WDR3: variants seen among roughly 807,000 people sequenced by gnomAD.
The protein encoded by WDR3 is WD repeat domain 3, also known as WD repeat-containing protein 3.
Under a neutral mutation model 123.7 loss-of-function variants are expected in WDR3, and 81 were observed. The ratio of observed to expected loss-of-function variants is 0.65; its 90% CI spans 0.55 to 0.79. The LOEUF (loss-of-function observed/expected upper bound fraction) is 0.79. WDR3 is among the 30% of genes least tolerant of loss of function. The pLI, the probability that WDR3 is intolerant of heterozygous loss-of-function variation, is 0.00. For synonymous variants in WDR3, 390 were observed against 388.8 expected, an observed-to-expected ratio of 1.00 and a Z score of -0.04; for missense variants, 1,027 against 1,123.2, an observed-to-expected ratio of 0.91 and a Z score of 1.22.
Position 117,955,345 on chromosome 1 carries a change from G to C in WDR3, c.2440G>C (p.Gly814Arg). The change falls in exon 24 of 27, where the codon GGG becomes CGG. Residue 814 changes from glycine to arginine, a missense_variant. By Grantham distance (125) the Gly-to-Arg change is moderately radical. Transcript: ENST00000349139. ...AGCTTATGTATTAGAGATTTTTAAA[G>C]GGATCAAGTCGAGGTGAGTGAGTCC... ...PSAYVLEIFKGIKSSELEESL... is the reference protein window; with the variant it reads ...PSAYVLEIFKRIKSSELEESL... 6.2e-7 allele frequency: 1 copy of C among 1,612,242 alleles called. No homozygotes were observed. Among genetic ancestry groups the C allele is most frequent in the South Asian group, 1.1e-5 (1 of 90,886 alleles).
In WDR3 at chr1:117,962,365, A is replaced by G. The variant is rs1653214356; in HGVS notation, c.*2918A>G. The G allele has an allele frequency of 4.6e-5, 7 of 152,100 alleles. 1 individual carries two copies. In the South Asian group the frequency reaches 1.4e-3, roughly 31 times the overall value. 9.4% of individuals were successfully genotyped at this position (152,100 alleles called of 1,614,324 possible). ...TAAGTCAGTATTCATTGCCTTAGTC[A>G]GCCATTGGCTGTATATAATCCTTAA... On this transcript the variant is annotated 3_prime_UTR_variant, in exon 27 of 27. Transcript: ENST00000349139.
chr1:117,958,830 G>A (rs1022345532), intron 25 of WDR3, 80 bp from the exon 26 acceptor site: 6 of 679,294 alleles, frequency 8.8e-6, no homozygotes, highest in African/African-American at 6.3e-5. Context: ...CTTTGATATT[G>A]TGTCTGTTTA....
At position 117,957,176 on chromosome 1, in the gene WDR3, G is replaced by C; in HGVS notation, c.2562G>C (p.Arg854=). The C allele has an allele frequency of 6.2e-7, 1 of 1,611,120 alleles. No homozygotes were observed. The highest frequency in any genetic ancestry group is 1.1e-5 in the South Asian group (1 of 90,420). ...GCTCTGATGTTGAACTTATATGCCG[G>C]TGCCTCTTCTTCCTCCTTAGGTAAC... is the stretch of plus-strand genomic sequence containing the variant. ...QLGSDVELIC[R]CLFFLLRIHF... is the part of the protein sequence containing the mutation. Residue 854 remains arginine (R), a synonymous_variant, in exon 25 of 27, where the codon CGG becomes CGC. Transcript: ENST00000349139.
intron 12 of WDR3, 48 bp from the exon 13 acceptor site, chr1:117,948,357 G>C (rs1557821639): frequency 6.6e-7 from 1 of 1,524,824 alleles, no homozygotes; most frequent in Admixed American, 1.7e-5. Flanking sequence ...GAATCATGGA[G>C]GTTGTACGTA....
chr1:117,954,204 G>A lies in WDR3; in HGVS notation c.2361+105G>A, dbSNP rs375672193. The A allele has an allele frequency of 4.3e-6, 4 of 929,148 alleles. No homozygotes were observed. In the East Asian group the frequency reaches 1.0e-4, roughly 23 times the overall value. 57.6% of individuals were successfully genotyped at this position (929,148 alleles called of 1,614,324 possible). A position where few individuals can be genotyped will look rare whatever the true frequency, so the allele number is the denominator to read the frequency against. On this transcript the variant is annotated intron_variant, in intron 22 of 26. Transcript: ENST00000349139. ...ACTAAGATCAGGATATGCAATAAAT[G>A]GAATAGAATCTTTCCAACTCACTAT...
chr1:117,947,314 T>G (rs1313660354), intron 12 of WDR3, among the ~76,000 whole-genome samples: 2 of 152,222 alleles, frequency 1.3e-5, no homozygotes, highest in Non-Finnish European at 2.9e-5. Context: ...GCTTTGCAAG[T>G]ATTTGTCATT....
intron 12 of WDR3, among the ~76,000 whole-genome samples, chr1:117,947,453 G>C (rs1157624149): frequency 6.6e-6 from 1 of 152,202 alleles, no homozygotes; most frequent in African/African-American, 2.4e-5. Flanking sequence ...CCAGGAAACA[G>C]TATTCACATC....
chr1:117,959,076 G>A, intron 26 of WDR3, 73 bp downstream of exon 26: 2 of 1,478,074 alleles, frequency 1.4e-6, no homozygotes, highest in South Asian at 2.4e-5. Context: ...ATAGTATGCT[G>A]TGCTTTGTCT....
chr1:117,941,930 A>G, intron 9 of WDR3, 83 bp downstream of exon 9: 2 of 1,468,552 alleles, frequency 1.4e-6, no homozygotes, highest in Non-Finnish European at 8.9e-7. Flanking sequence ...CTTCTTTCAT[A>G]TTTACTGTCT....
intron 12 of WDR3, among the ~76,000 whole-genome samples, chr1:117,947,552 A>G (rs1651452576): frequency 6.6e-6 from 1 of 152,160 alleles, no homozygotes; most frequent in Admixed American, 6.5e-5. Flanking sequence ...GCTTAAGACT[A>G]CCCATGTGGC....
At chr1:117,955,702 A>G (rs1406277410) in intron 24 of WDR3, among the ~76,000 whole-genome samples, 1 of 151,794 alleles carries the variant, frequency 6.6e-6, no homozygotes, top group East Asian at 1.9e-4. Flanking sequence ...TATTATATAA[A>G]GTTTTATATT....
At chr1:117,931,606 A>T (rs565819227) in intron 1 of WDR3, among the ~76,000 whole-genome samples, 5 of 152,298 alleles carry the variant, frequency 3.3e-5, no homozygotes, top group African/African-American at 1.2e-4. Context: ...GGTGGAAAGG[A>T]CTGGAAATAG....
chr1:117,955,727 A>G (rs1652104332), intron 24 of WDR3, among the ~76,000 whole-genome samples: 2 of 151,704 alleles, frequency 1.3e-5, no homozygotes, highest in Admixed American at 6.6e-5. Flanking sequence ...TCTTTTTCAC[A>G]TATTTCCTGA....
chr1:117,936,885 T>G lies in WDR3; in HGVS notation c.498T>G (p.Thr166=). ...TACGAGAAAAGAACCTGCTAGTTAC[T>G]AGGTAAAGAAATAATGGTTTAATTT... is the stretch of plus-strand genomic sequence containing the variant. ...LFLREKNLLV[T]SGKDTMVKWW... is the part of the protein sequence containing the mutation. Residue 166 remains threonine (T), a splice_region_variant and synonymous_variant, in exon 4 of 27, where the codon ACT becomes ACG. Coordinates refer to ENST00000349139, the MANE Select transcript of WDR3 (RefSeq NM_006784.3). 1 of 1,607,192 alleles carries G rather than the reference T, an allele frequency of 6.2e-7. No individual in the cohort carries two copies. Among genetic ancestry groups the G allele is most frequent in the Non-Finnish European group, 8.5e-7 (1 of 1,176,258 alleles).
chr1:117,933,606 A>T, intron 2 of WDR3, 116 bp downstream of exon 2: 3 of 1,397,922 alleles, frequency 2.1e-6, no homozygotes, highest in Non-Finnish European at 3.0e-6. Flanking sequence ...CTGTGCCCTT[A>T]GAAGAAAAAT....
At chr1:117,945,977 A>G (rs1651364440) in intron 11 of WDR3, 109 bp from the exon 12 acceptor site, 1 of 652,954 alleles carries the variant, frequency 1.5e-6, no homozygotes, top group Non-Finnish European at 2.3e-6. Flanking sequence ...TAAGACTTTT[A>G]TCTTCTTTTA....
intron 6 of WDR3, among the ~76,000 whole-genome samples, 157 bp from the exon 7 acceptor site, chr1:117,940,670 G>T (rs550225368): frequency 3.3e-5 from 5 of 152,278 alleles, no homozygotes; most frequent in African/African-American, 1.2e-4. Context: ...CAAGGCTGCA[G>T]TGAGATGTGA....
At chr1:117,945,047 C>T (rs538709755) in intron 11 of WDR3, among the ~76,000 whole-genome samples, 12 of 152,238 alleles carry the variant, frequency 7.9e-5, no homozygotes, top group African/African-American at 2.9e-4. Context: ...ATCCTATCAG[C>T]TCTACCTTCA....
rs1652755628 is a variant in WDR3, at chr1:117,959,577, T to C, written c.*130T>C. The C allele has an allele frequency of 9.6e-7, 1 of 1,040,320 alleles. No homozygotes were observed. Among genetic ancestry groups the C allele is most frequent in the Non-Finnish European group, 1.3e-6 (1 of 763,540 alleles). The allele number at this position is 1,040,320 out of a possible 1,614,324, so 64.4% of individuals were successfully genotyped here. On this transcript the variant is annotated 3_prime_UTR_variant, in exon 27 of 27. Coordinates refer to ENST00000349139, the MANE Select transcript of WDR3 (RefSeq NM_006784.3). ...GATCGCATTGCAGATGATATCAGGATGTGGTTTCCAGCTTTGCCTGAGGGA... is the reference window on the plus strand; with the variant it reads ...GATCGCATTGCAGATGATATCAGGACGTGGTTTCCAGCTTTGCCTGAGGGA...
Sources: gnomAD v4.1 joint callset for allele counts (sites outside exome capture counted in the v4.1 genomes callset) on GRCh38, gnomAD v4.1.1 for gene constraint, MANE v1.5 for transcripts, NCBI Gene and HGNC (gene_info 2026-07-23, HGNC 2026-07-21) for gene names.